EIF5B: variants seen among roughly 807,000 people sequenced by gnomAD.
EIF5B encodes the protein eIF-5B.
A neutral mutation model predicts 147.5 loss-of-function variants in EIF5B; 47 were observed. The observed-to-expected ratio is 0.32, with a 90% confidence interval of 0.25 to 0.41. EIF5B has a LOEUF of 0.41. EIF5B is among the 10% of genes least tolerant of loss of function. The pLI is 1.00. For missense variants in EIF5B, 1,064 were observed against 1,413.2 expected (o/e 0.75, Z 3.96); for synonymous variants, 455 against 456.2 (o/e 1.00, Z 0.03).
At chr2:99,374,288 TAAAAAAAAA>T (rs33936603) in intron 9 of EIF5B, among the ~76,000 whole-genome samples, 5 of 108,734 alleles carry the variant, frequency 4.6e-5, no homozygotes, top group Admixed American at 2.0e-4. Context: ...GACTCTTACC[TAAAAAAAAA>T]AAAAAAAAAA....
Position 99,382,900 on chromosome 2 carries a change from C to T in EIF5B, c.2250C>T (p.Pro750=). The T allele has an allele frequency of 1.2e-6, 2 of 1,609,332 alleles. No individual in the cohort carries two copies. The highest frequency in any genetic ancestry group is 1.1e-5 in the South Asian group (1 of 89,814). Residue 750 remains proline, a synonymous_variant, in exon 14 of 24, where the codon CCC becomes CCT. Coordinates refer to ENST00000289371, the MANE Select transcript of EIF5B (RefSeq NM_015904.4). The stretch of plus-strand genomic sequence containing the variant: ...ACCTTCTCAAATCTAAAAAATGTCC[C>T]TTCATTGTTGCACTCAATAAGGTAT... ...SINLLKSKKC[P]FIVALNKIDR... is the part of the protein sequence containing the mutation.
At chr2:99,343,722 G>A (rs1394558577) in intron 1 of EIF5B, among the ~76,000 whole-genome samples, 1 of 151,604 alleles carries the variant, frequency 6.6e-6, no homozygotes, top group Non-Finnish European at 1.5e-5. Context: ...GCTGAGGCAG[G>A]AGAATTGCTT....
intron 22 of EIF5B, 119 bp downstream of exon 22, chr2:99,397,017 G>C: frequency 9.0e-7 from 1 of 1,111,340 alleles, no homozygotes; most frequent in Non-Finnish European, 1.2e-6. Context: ...TATTTAGTGT[G>C]GTCTCCACCT....
intron 12 of EIF5B, among the ~76,000 whole-genome samples, chr2:99,380,052 A>G (rs752401441): frequency 2.6e-5 from 4 of 152,126 alleles, no homozygotes; most frequent in Non-Finnish European, 4.4e-5. Flanking sequence ...TGATACTCGA[A>G]CTCCATCAGC....
In EIF5B at chr2:99,390,536, C is replaced by G. The variant is rs577071391; in HGVS notation, c.2587-8C>G. 6.2e-7 allele frequency: 1 copy of G among 1,601,162 alleles called. No individual in the cohort carries two copies. Among genetic ancestry groups the G allele is most frequent in the African/African-American group, 1.3e-5 (1 of 74,502 alleles). On this transcript the variant is annotated splice_region_variant and splice_polypyrimidine_tract_variant and intron_variant, in intron 16 of 23. Transcript: ENST00000289371. ...GTATGTCTTTCTCTTTGCATTAATGCCTTTTAGGTTAAAGCTCTCCCGGGG... is the reference window on the plus strand; with the variant it reads ...GTATGTCTTTCTCTTTGCATTAATGGCTTTTAGGTTAAAGCTCTCCCGGGG...
At chr2:99,371,412 CG>C (rs1377852500) in intron 8 of EIF5B, among the ~76,000 whole-genome samples, 1 of 150,698 alleles carries the variant, frequency 6.6e-6, no homozygotes, top group Admixed American at 6.6e-5. Flanking sequence ...GGCGTGAACC[CG>C]GAAGGCGGAG....
At chr2:99,374,867 G>A (rs912916948) in intron 9 of EIF5B, among the ~76,000 whole-genome samples, 1 of 151,660 alleles carries the variant, frequency 6.6e-6, no homozygotes, top group African/African-American at 2.4e-5. Flanking sequence ...CCCTCTTATT[G>A]TATCATTGTT....
In EIF5B at chr2:99,363,692, G is replaced by A; in HGVS notation, c.967G>A (p.Gly323Arg). The stretch of plus-strand genomic sequence containing the variant: ...GAAGAAAGATAAGAAGAAAAAGAAA[G>A]GAGAAAAGGAAGAAAAAGAGAAAGA... ...KKKKDKKKKK[G>R]EKEEKEKEKK... The change falls in exon 5 of 24, where the codon GGA (glycine) becomes AGA (arginine). Residue 323 changes from glycine to arginine, a missense_variant. By Grantham distance (125) the Gly-to-Arg change is moderately radical. Transcript: ENST00000289371. 4.4e-6 allele frequency: 7 copies of A among 1,596,606 alleles called. No homozygotes were observed. Among genetic ancestry groups the A allele is most frequent in the Admixed American group, 1.8e-5 (1 of 55,388 alleles).
chr2:99,374,383 A>G (rs1674521683), intron 9 of EIF5B, among the ~76,000 whole-genome samples: 1 of 151,562 alleles, frequency 6.6e-6, no homozygotes, highest in Non-Finnish European at 1.5e-5. Flanking sequence ...TATAGTCAAT[A>G]CTTACTATTT....
intron 1 of EIF5B, among the ~76,000 whole-genome samples, chr2:99,343,022 G>A (rs1367885977): frequency 2.0e-5 from 3 of 150,254 alleles, no homozygotes; most frequent in Non-Finnish European, 3.0e-5. Flanking sequence ...GTGCAGTGGC[G>A]TGATATTGGC....
In EIF5B at chr2:99,361,633, TGAA is replaced by T. The variant is rs1419490830; in HGVS notation, c.736_738del (p.Glu246del). On this transcript the variant is annotated inframe_deletion, in exon 4 of 24. Transcript: ENST00000289371. ...AGGAGCGCGAGAGAAAAAAGCGAGA[TGAA>T]GAAAAAGCGAAACTGCGGAAGCTGA... 1 of 1,593,150 alleles carries T rather than the reference TGAA, an allele frequency of 6.3e-7. No individual in the cohort carries two copies. Among genetic ancestry groups the T allele is most frequent in the African/African-American group, 1.4e-5 (1 of 72,952 alleles).
intron 8 of EIF5B, among the ~76,000 whole-genome samples, chr2:99,370,897 C>A (rs1214343716): frequency 6.6e-6 from 1 of 152,048 alleles, no homozygotes; most frequent in African/African-American, 2.4e-5. Context: ...AGTTTTGTAC[C>A]TTCAACTTCA....
intron 14 of EIF5B, among the ~76,000 whole-genome samples, chr2:99,386,468 C>CGTGTGTGTGTGTGTGT (rs61494312): frequency 1.4e-5 from 2 of 142,414 alleles, no homozygotes; most frequent in African/African-American, 5.1e-5. Context: ...TTTTGTTTTG[C>CGTGTGTGTGTGTGTGT]GTGTGTGTGT....
At chr2:99,385,958 A>T (rs969551178) in intron 14 of EIF5B, among the ~76,000 whole-genome samples, 1 of 152,206 alleles carries the variant, frequency 6.6e-6, no homozygotes, top group Non-Finnish European at 1.5e-5. Context: ...ATGATTTCAT[A>T]TAAATGGAAT....
At chr2:99,338,261 C>T in intron 1 of EIF5B, 1 of 1,255,690 alleles carries the variant, frequency 8.0e-7, no homozygotes, top group Non-Finnish European at 1.0e-6. Flanking sequence ...TCGCTCCTTT[C>T]TAACCACCTG....
chr2:99,362,697 T>C (rs146222963), intron 4 of EIF5B, among the ~76,000 whole-genome samples: 1,670 of 152,084 alleles, frequency 0.011, 9 homozygotes, highest in Middle Eastern at 0.024. Flanking sequence ...AGACTCTGTC[T>C]CAAAAAACCA....
intron 1 of EIF5B, 30 bp from the exon 2 acceptor site, chr2:99,360,206 G>T: frequency 1.3e-6 from 2 of 1,559,340 alleles, no homozygotes; most frequent in Non-Finnish European, 1.7e-6. Flanking sequence ...CTTTTAAGTA[G>T]CATTTAGGAT....
At chr2:99,338,518 T>G (rs1293193535) in intron 1 of EIF5B, 1 of 360,444 alleles carries the variant, frequency 2.8e-6, no homozygotes, top group Non-Finnish European at 5.4e-6. Context: ...AAAACAGATA[T>G]GTTGTCTTGA....
chr2:99,369,862 G>A (rs1461686604), intron 8 of EIF5B, among the ~76,000 whole-genome samples: 1 of 152,122 alleles, frequency 6.6e-6, no homozygotes, highest in Non-Finnish European at 1.5e-5. Context: ...TGTAATCCCA[G>A]CTACTTGGGA....
Sources: gnomAD v4.1 joint callset for allele counts (sites outside exome capture counted in the v4.1 genomes callset) on GRCh38, gnomAD v4.1.1 for gene constraint, MANE v1.5 for transcripts, NCBI Gene and HGNC (gene_info 2026-07-23, HGNC 2026-07-21) for gene names.